Variants in EVA1C observed in about 807,000 individuals in gnomAD.
EVA1C encodes the protein eva-1 homolog C.
A neutral mutation model predicts 45.4 loss-of-function variants in EVA1C; 25 were observed. The ratio of observed to expected loss-of-function variants is 0.55; its 90% CI spans 0.40 to 0.77. The LOEUF (loss-of-function observed/expected upper bound fraction) is 0.77. Ranked by LOEUF, EVA1C falls within the 30% of genes least tolerant of loss-of-function variation. The probability of loss-of-function intolerance (pLI) is 0.00; values close to 1 mark genes in which losing one functional copy is unlikely to be tolerated. For missense variants in EVA1C, 479 were observed against 554.8 expected, an observed-to-expected ratio of 0.86 and a Z score of 1.37; for synonymous variants, 190 against 221.2, an observed-to-expected ratio of 0.86 and a Z score of 1.25.
At chr21:32,462,196 G>A (rs1314438623) in intron 3 of EVA1C, among the ~76,000 whole-genome samples, 1 of 150,774 alleles carries the variant, frequency 6.6e-6, no homozygotes, top group Non-Finnish European at 1.5e-5. Flanking sequence ...GACTAGCCTG[G>A]GTAACATAGG....
intron 4 of EVA1C, among the ~76,000 whole-genome samples, chr21:32,484,503 C>T (rs1347682579): frequency 1.3e-5 from 2 of 150,626 alleles, no homozygotes; most frequent in African/African-American, 4.9e-5. Flanking sequence ...GAGATCATGC[C>T]AATGCGCTCC....
chr21:32,477,067 G>T (rs1337528681), intron 4 of EVA1C, among the ~76,000 whole-genome samples: 1 of 152,160 alleles, frequency 6.6e-6, no homozygotes, highest in Non-Finnish European at 1.5e-5. Context: ...TGGAAAGGGG[G>T]TAAAGAGAGA....
chr21:32,414,023 T>G (rs1489669919), intron 1 of EVA1C, among the ~76,000 whole-genome samples: 1 of 152,242 alleles, frequency 6.6e-6, no homozygotes, highest in Non-Finnish European at 1.5e-5. Context: ...GTCCTGTTTG[T>G]GCAGTAGGCT....
intron 1 of EVA1C, among the ~76,000 whole-genome samples, chr21:32,441,425 C>T (rs1235080723): frequency 6.6e-6 from 1 of 151,968 alleles, no homozygotes; most frequent in Admixed American, 6.6e-5. Context: ...AGCAAAGGTC[C>T]TGAGGTCAGA....
chr21:32,455,131 C>A (rs11909767), intron 2 of EVA1C, among the ~76,000 whole-genome samples: 1 of 152,078 alleles, frequency 6.6e-6, no homozygotes, highest in Non-Finnish European at 1.5e-5. Context: ...AAGAGCAAGG[C>A]GCCATAGGTT....
intron 4 of EVA1C, among the ~76,000 whole-genome samples, chr21:32,478,969 C>T (rs556482044): frequency 9.8e-5 from 15 of 152,352 alleles, no homozygotes; most frequent in Non-Finnish European, 1.9e-4. Flanking sequence ...GCCAAGACAG[C>T]GGCACTTAAG....
At chr21:32,450,424 T>C (rs1363525325) in intron 1 of EVA1C, among the ~76,000 whole-genome samples, 1 of 151,886 alleles carries the variant, frequency 6.6e-6, no homozygotes, top group Non-Finnish European at 1.5e-5. Context: ...CAAGATCTTT[T>C]GGATAAGCCA....
In EVA1C at chr21:32,515,133, A is replaced by G. The variant is rs376117841; in HGVS notation, c.1269A>G (p.Ile423Met). ...IERREQIIQE[I>M]WMNSGLDTSL... Reference sequence around the variant, plus strand: ...GCAGGGAGCAAATCATTCAGGAAATATGGATGAACAGTGGTTTGGACACCT... The same window carrying G: ...GCAGGGAGCAAATCATTCAGGAAATGTGGATGAACAGTGGTTTGGACACCT... Residue 423 changes from isoleucine to methionine, a missense_variant, in exon 8 of 8, where the codon ATA (isoleucine) becomes ATG (methionine). Coordinates refer to ENST00000300255, the MANE Select transcript of EVA1C (RefSeq NM_058187.5). 6.2e-7 allele frequency: 1 copy of G among 1,613,292 alleles called. No homozygotes were observed. The highest frequency in any genetic ancestry group is 1.3e-5 in the African/African-American group (1 of 74,924).
At chr21:32,500,190 A>AT (rs538897939) in intron 5 of EVA1C, among the ~76,000 whole-genome samples, 46,927 of 90,612 alleles carry the variant, frequency 0.52, 13,834 homozygotes, top group East Asian at 0.69. Context: ...TAACCACCCT[A>AT]TTTTTTTTTT....
chr21:32,513,339 G>T (rs1316927230), intron 7 of EVA1C, among the ~76,000 whole-genome samples: 2 of 148,294 alleles, frequency 1.3e-5, no homozygotes, highest in Non-Finnish European at 3.0e-5. Flanking sequence ...ACCACACCCG[G>T]CTAGTTTTTT....
chr21:32,450,476 G>A (rs1368411333), intron 1 of EVA1C, among the ~76,000 whole-genome samples: 3 of 148,238 alleles, frequency 2.0e-5, no homozygotes, highest in Non-Finnish European at 3.0e-5. Context: ...TTGATTTGAT[G>A]TGTGGTCAGC....
chr21:32,425,334 C>CAAAAAAAA (rs60224656), intron 1 of EVA1C, among the ~76,000 whole-genome samples: 6 of 57,770 alleles, frequency 1.0e-4, no homozygotes, highest in African/African-American at 3.7e-4. Context: ...GACTCCATCT[C>CAAAAAAAA]AAAAAAAAAA....
chr21:32,486,094 T>A (rs1444723631), intron 4 of EVA1C, among the ~76,000 whole-genome samples: 1 of 152,050 alleles, frequency 6.6e-6, no homozygotes. Flanking sequence ...GAAGAAAGAG[T>A]GGATGCGGAG....
chr21:32,497,143 G>A, intron 5 of EVA1C: 1 of 809,354 alleles, frequency 1.2e-6, no homozygotes, highest in Admixed American at 1.7e-5. Flanking sequence ...AAATCAAACA[G>A]GAAGTGGGAA....
Position 32,471,039 on chromosome 21 carries a change from G to A in EVA1C, c.634+3191G>A, listed in dbSNP as rs138109440. ...CTCCCACAGTACTGGGATTACAGGC[G>A]TGAGCCACTGCACCCGGCCCAGGTA... On this transcript the variant is annotated intron_variant, in intron 4 of 7. Coordinates refer to ENST00000300255, the MANE Select transcript of EVA1C (RefSeq NM_058187.5). Among the ~76,000 whole-genome samples, 914 of 152,088 alleles carry A rather than the reference G, an allele frequency of 6.0e-3. 10 individuals are homozygous for A. Among genetic ancestry groups the A allele is most frequent in the African/African-American group, 0.02 (817 of 41,504 alleles).
intron 1 of EVA1C, among the ~76,000 whole-genome samples, chr21:32,425,528 C>T (rs2034457756): frequency 6.6e-6 from 1 of 151,988 alleles, no homozygotes; most frequent in Admixed American, 6.6e-5. Flanking sequence ...AAACCATAAA[C>T]TAAGGCTTTG....
At chr21:32,487,594 G>A (rs956949653) in intron 4 of EVA1C, among the ~76,000 whole-genome samples, 4 of 151,948 alleles carry the variant, frequency 2.6e-5, no homozygotes, top group African/African-American at 4.8e-5. Flanking sequence ...GGTGGCAGGC[G>A]CCTGTAATCC....
At chr21:32,502,224 A>G (rs1601048588) in intron 6 of EVA1C, among the ~76,000 whole-genome samples, 1 of 151,428 alleles carries the variant, frequency 6.6e-6, no homozygotes, top group Admixed American at 6.6e-5. Flanking sequence ...TCAGCCTCCC[A>G]AGTAGCAGGG....
chr21:32,421,906 G>C (rs2034286681), intron 1 of EVA1C, among the ~76,000 whole-genome samples: 1 of 151,992 alleles, frequency 6.6e-6, no homozygotes, highest in African/African-American at 2.4e-5. Flanking sequence ...TTAGCTGGGT[G>C]TGGTGGCGGG....
Sources: gnomAD v4.1 joint callset for allele counts (sites outside exome capture counted in the v4.1 genomes callset) on GRCh38, gnomAD v4.1.1 for gene constraint, MANE v1.5 for transcripts, NCBI Gene and HGNC (gene_info 2026-07-23, HGNC 2026-07-21) for gene names.